Variants in VWA5B2 observed in about 807,000 individuals in gnomAD.
The protein encoded by VWA5B2 is von Willebrand factor A domain-containing protein 5B2.
A neutral mutation model predicts 118.5 loss-of-function variants in VWA5B2; 93 were observed. The ratio of observed to expected loss-of-function variants is 0.79; its 90% CI spans 0.66 to 0.93. The LOEUF (loss-of-function observed/expected upper bound fraction) is 0.93, where lower values mean the gene tolerates loss of function less well. Among genes scored for constraint, VWA5B2 ranks in the 40% least tolerant of loss-of-function variants. VWA5B2 has a pLI of 0.00. For synonymous variants in VWA5B2, 708 were observed against 716.3 expected (o/e 0.99, Z 0.19); for missense variants, 1,546 against 1,672.8 (o/e 0.92, Z 1.32).
At position 184,233,380 on chromosome 3, in the gene VWA5B2, G is replaced by C; in HGVS notation, c.513G>C (p.Pro171=). ...PPGPPGPPRP[P]GLCDDSPTSC... ...GCCCGCCGGGGCCCCCCAGGCCTCC[G>C]GGGCTCTGTGACGACAGGTTGGGCC... is the stretch of plus-strand genomic sequence containing the variant. Residue 171 remains proline (P), a synonymous_variant, in exon 4 of 20, where the codon CCG becomes CCC. Transcript: ENST00000691901. The surrounding 1 kb of genome is among the most constrained non-coding windows in gnomAD (Gnocchi z 5.2). The C allele has an allele frequency of 1.3e-6, 2 of 1,537,836 alleles. No homozygotes were observed. Among genetic ancestry groups the C allele is most frequent in the South Asian group, 2.4e-5 (2 of 82,180 alleles).
At position 184,230,645 on chromosome 3, in the gene VWA5B2, C is replaced by A; in HGVS notation, c.117C>A (p.Asn39Lys). Reference sequence around the variant, plus strand: ...TGCGGGCCCGGCTCACCTACCGCAACCCGCAGCCGCAGCCGGTGGACGGTG... The same window carrying A: ...TGCGGGCCCGGCTCACCTACCGCAAACCGCAGCCGCAGCCGGTGGACGGTG... ...LSVRARLTYR[N>K]PQPQPVDGVF... The change falls in exon 2 of 20, where the codon AAC becomes AAA. Residue 39 changes from asparagine to lysine, a missense_variant. By Grantham distance (94) the Asn-to-Lys change is moderately conservative (BLOSUM62 0). Transcript: ENST00000691901. 1.5e-6 allele frequency: 2 copies of A among 1,340,328 alleles called. No homozygotes were observed. The highest frequency in any genetic ancestry group is 1.9e-6 in the Non-Finnish European group (2 of 1,048,792). The allele number at this position is 1,340,328 out of a possible 1,614,324, so 83.0% of individuals were successfully genotyped here.
rs1402030732 is a variant in VWA5B2 at position 184,237,241 on chromosome 3, C to T, written c.1549C>T (p.Arg517Trp). ...RLQPMLVQAL[R>W]KALEPALSDI... ...CTCCCCACAGCTGGTACAGGCTCTG[C>T]GGAAGGCACTGGAGCCTGCTTTGAG... The change falls in exon 12 of 20, where the codon CGG (arginine) becomes TGG (tryptophan). Residue 517 changes from arginine (R) to tryptophan (W), a missense_variant. Arg to Trp is a moderately radical substitution (Grantham distance 101). Around this residue, in one of 3 missense-constraint regions of VWA5B2, gnomAD observed 775 missense variants for 882.3 expected, o/e 0.88. Coordinates refer to ENST00000691901, the MANE Select transcript of VWA5B2 (RefSeq NM_001390846.1). This position sits in a 1 kb window ranked among gnomAD's most constrained non-coding sequence, Gnocchi z 5.6. The T allele has an allele frequency of 9.7e-6, 15 of 1,551,352 alleles. No homozygotes were observed. The highest frequency in any genetic ancestry group is 2.4e-5 in the East Asian group (1 of 40,906).
At position 184,231,283 on chromosome 3, in the gene VWA5B2, C is replaced by T. The variant is rs567200950; in HGVS notation, c.310+366C>T. On this transcript the variant is annotated intron_variant, in intron 3 of 19. Transcript: ENST00000691901. ...GGCTGCACACCTCAATCCGGCCCCG[C>T]GTGGGCCAGTGAATCAAGTGTAGAC... Among the ~76,000 whole-genome samples the T allele has an allele frequency of 1.1e-3, 170 of 152,312 alleles. 1 individual carries two copies. Among genetic ancestry groups the T allele is most frequent in the African/African-American group, 3.9e-3 (164 of 41,570 alleles).
chr3:184,231,059 C>A (rs1020154523), intron 3 of VWA5B2, 142 bp downstream of exon 3: 4 of 1,183,684 alleles, frequency 3.4e-6, no homozygotes, highest in Non-Finnish European at 4.2e-6. Flanking sequence ...ATTTAGCAGT[C>A]GTGGGCTGGG....
At position 184,241,851 on chromosome 3, in the gene VWA5B2, C is replaced by G. The variant is rs147409144; in HGVS notation, c.3542C>G (p.Ala1181Gly). ...CTCGCCTGGCTGGAGCACCGATGCG[C>G]CGCTGCCTTCGACGAGTGGGAACTG... is the stretch of plus-strand genomic sequence containing the variant. ...VALAWLEHRC[A>G]AAFDEWELTA... is the part of the protein sequence containing the mutation. The change falls in exon 20 of 20, where the codon GCC becomes GGC. Residue 1181 changes from alanine to glycine, a missense_variant. Physicochemically the swap from Ala to Gly is moderately conservative, Grantham distance 60. Coordinates refer to ENST00000691901, the MANE Select transcript of VWA5B2 (RefSeq NM_001390846.1). The surrounding 1 kb of genome is among the most constrained non-coding windows in gnomAD (Gnocchi z 5.1). 836 of 1,540,578 alleles carry G rather than the reference C, an allele frequency of 5.4e-4. 4 individuals carry two copies. In the African/African-American group the frequency reaches 8.4e-3, roughly 15 times the overall value.
chr3:184,233,772 C>A lies in VWA5B2; in HGVS notation c.688+39C>A. Reference sequence around the variant, plus strand: ...GCTGGCCTGCCCTCTTTTCAGATGCCCACTCCACCCAGTGTAGTGACTGGA... The same window carrying A: ...GCTGGCCTGCCCTCTTTTCAGATGCACACTCCACCCAGTGTAGTGACTGGA... On this transcript the variant is annotated intron_variant, in intron 5 of 19. Coordinates refer to ENST00000691901, the MANE Select transcript of VWA5B2 (RefSeq NM_001390846.1). This position sits in a 1 kb window ranked among gnomAD's most constrained non-coding sequence, Gnocchi z 5.2. 6.5e-7 allele frequency: 1 copy of A among 1,544,744 alleles called. No individual in the cohort carries two copies. Among genetic ancestry groups the A allele is most frequent in the Non-Finnish European group, 8.7e-7 (1 of 1,144,568 alleles).
At chr3:184,234,031 G>T (rs751987813) in intron 5 of VWA5B2, among the ~76,000 whole-genome samples, 37 of 152,154 alleles carry the variant, frequency 2.4e-4, no homozygotes, top group Non-Finnish European at 3.8e-4. Context: ...CACAGAAGGT[G>T]GGGGGTGAAT....
chr3:184,238,302 G>T lies in VWA5B2; in HGVS notation c.1720-1G>T. 6.6e-7 allele frequency: 1 copy of T among 1,505,560 alleles called. No individual in the cohort carries two copies. Among genetic ancestry groups the T allele is most frequent in the Non-Finnish European group, 8.9e-7 (1 of 1,123,242 alleles). The allele number at this position is 1,505,560 out of a possible 1,614,324, so 93.3% of individuals were successfully genotyped here. On this transcript the variant is annotated splice_acceptor_variant, in intron 12 of 19. Transcript: ENST00000691901. LOFTEE classifies it high-confidence loss of function. The surrounding 1 kb of genome is among the most constrained non-coding windows in gnomAD (Gnocchi z 5.0). ...TTTTTTCCCAATAATATTCTCTCTA[G>T]GGCCAAGAGCCTGGCTGGCAGAGCT...
chr3:184,235,040 T>A, intron 7 of VWA5B2, 113 bp from the exon 8 acceptor site: 2 of 1,306,036 alleles, frequency 1.5e-6, no homozygotes, highest in Non-Finnish European at 2.1e-6. Context: ...TACAAAAAGA[T>A]GTCCCCTCTG....
chr3:184,233,768 A>G lies in VWA5B2; in HGVS notation c.688+35A>G. ...TCTGGCTGGCCTGCCCTCTTTTCAGATGCCCACTCCACCCAGTGTAGTGAC... is the reference window on the plus strand; with the variant it reads ...TCTGGCTGGCCTGCCCTCTTTTCAGGTGCCCACTCCACCCAGTGTAGTGAC... On this transcript the variant is annotated intron_variant, in intron 5 of 19. Coordinates refer to ENST00000691901, the MANE Select transcript of VWA5B2 (RefSeq NM_001390846.1). The surrounding 1 kb of genome is among the most constrained non-coding windows in gnomAD (Gnocchi z 5.2). 2 of 1,546,544 alleles carry G rather than the reference A, an allele frequency of 1.3e-6. No individual in the cohort carries two copies. Among genetic ancestry groups the G allele is most frequent in the Non-Finnish European group, 1.7e-6 (2 of 1,145,502 alleles).
Position 184,241,300 on chromosome 3 carries a change from C to T in VWA5B2, c.3076C>T (p.Arg1026Cys), listed in dbSNP as rs1484160139. 1 of 1,551,322 alleles carries T rather than the reference C, an allele frequency of 6.4e-7. No individual in the cohort carries two copies. The highest frequency in any genetic ancestry group is 2.4e-5 in the East Asian group (1 of 40,914). The change falls in exon 19 of 20, where the codon CGT (arginine) becomes TGT (cysteine). Residue 1026 changes from arginine to cysteine, a missense_variant. Coordinates refer to ENST00000691901, the MANE Select transcript of VWA5B2 (RefSeq NM_001390846.1). The surrounding 1 kb of genome is among the most constrained non-coding windows in gnomAD (Gnocchi z 5.1). ...PTEGPRRPPPRPPCRLSMGRR... is the reference protein window; with the variant it reads ...PTEGPRRPPPCPPCRLSMGRR... The stretch of plus-strand genomic sequence containing the variant: ...GGAAGGTCCTCGCCGCCCACCTCCC[C>T]GTCCTCCCTGTCGGCTCAGCATGGG...
intron 7 of VWA5B2, 74 bp downstream of exon 7, chr3:184,234,829 A>T (rs889640927): frequency 8.0e-5 from 123 of 1,542,226 alleles, no homozygotes; most frequent in Middle Eastern, 5.0e-4. Context: ...AAGCAGGCTT[A>T]CATTGGAATG....
Position 184,238,525 on chromosome 3 carries a change from G to A in VWA5B2, c.1892-38G>A. On this transcript the variant is annotated intron_variant, in intron 13 of 19. Coordinates refer to ENST00000691901, the MANE Select transcript of VWA5B2 (RefSeq NM_001390846.1). This position sits in a 1 kb window ranked among gnomAD's most constrained non-coding sequence, Gnocchi z 5.0. ...GCTGTATTGGAGTGGGCGCTGGGAGGGGTCAGGGCTAGGGCCCATTCTACT... is the reference window on the plus strand; with the variant it reads ...GCTGTATTGGAGTGGGCGCTGGGAGAGGTCAGGGCTAGGGCCCATTCTACT... The A allele has an allele frequency of 6.5e-7, 1 of 1,535,060 alleles. No individual in the cohort carries two copies. Among genetic ancestry groups the A allele is most frequent in the Non-Finnish European group, 8.8e-7 (1 of 1,134,450 alleles).
Position 184,242,028 on chromosome 3 carries a change from CGA to C in VWA5B2, c.3720_3721del (p.Asn1241ArgfsTer33). ...CTACACCTGCTGTGCTACAGCCCAG[CGA>C]ACGTGTGAAGGCTGCCCCCTGCTGC... On this transcript the variant is annotated frameshift_variant, in exon 20 of 20. Coordinates refer to ENST00000691901, the MANE Select transcript of VWA5B2 (RefSeq NM_001390846.1). LOFTEE classifies it high-confidence loss of function. 6.5e-7 allele frequency: 1 copy of C among 1,549,578 alleles called. No individual in the cohort carries two copies. The highest frequency in any genetic ancestry group is 1.2e-5 in the South Asian group (1 of 84,038).
Position 184,233,711 on chromosome 3 carries a change from G to A in VWA5B2, c.666G>A (p.Val222=). 6.4e-7 allele frequency: 1 copy of A among 1,550,786 alleles called. No individual in the cohort carries two copies. Among genetic ancestry groups the A allele is most frequent in the Non-Finnish European group, 8.7e-7 (1 of 1,146,998 alleles). ...ATACCTTCTCCTTCGAGATGCTGGT[G>A]ACTGGGCCATGCCTGCTTGCAGGTG... ...APYTFSFEML[V]TGPCLLAGLE... Residue 222 remains valine, a synonymous_variant, in exon 5 of 20, where the codon GTG becomes GTA. Coordinates refer to ENST00000691901, the MANE Select transcript of VWA5B2 (RefSeq NM_001390846.1). The surrounding 1 kb of genome is among the most constrained non-coding windows in gnomAD (Gnocchi z 5.2).
In VWA5B2 at chr3:184,237,151, G is replaced by T; in HGVS notation, c.1534-75G>T. On this transcript the variant is annotated intron_variant, in intron 11 of 19. Transcript: ENST00000691901. This position sits in a 1 kb window ranked among gnomAD's most constrained non-coding sequence, Gnocchi z 5.6. ...GCTGGGCAGATGGCATCAGGGGAAG[G>T]GCAGCCTTCCTGCTCTGTCTGGCCG... is the stretch of plus-strand genomic sequence containing the variant. The T allele has an allele frequency of 6.8e-7, 1 of 1,481,352 alleles. No individual in the cohort carries two copies. Among genetic ancestry groups the T allele is most frequent in the Non-Finnish European group, 9.1e-7 (1 of 1,100,896 alleles). The allele number at this position is 1,481,352 out of a possible 1,614,324, so 91.8% of individuals were successfully genotyped here. A position where few individuals can be genotyped will look rare whatever the true frequency, so the allele number is the denominator to read the frequency against.
rs771177463 is a variant in VWA5B2 at position 184,241,730 on chromosome 3, G to A, written c.3421G>A (p.Asp1141Asn). The A allele has an allele frequency of 6.0e-6, 9 of 1,494,208 alleles. No individual in the cohort carries two copies. Among genetic ancestry groups the A allele is most frequent in the Non-Finnish European group, 8.0e-6 (9 of 1,124,496 alleles). 92.6% of individuals were successfully genotyped at this position (1,494,208 alleles called of 1,614,324 possible). A position where few individuals can be genotyped will look rare whatever the true frequency, so the allele number is the denominator to read the frequency against. ...SSGSEGPGQV[D>N]SGRGSDTEAS... ...GGGCTCTGAGGGGCCAGGCCAGGTGGACAGTGGGCGGGGCTCAGACACCGA... is the reference window on the plus strand; with the variant it reads ...GGGCTCTGAGGGGCCAGGCCAGGTGAACAGTGGGCGGGGCTCAGACACCGA... Residue 1141 changes from aspartate (D) to asparagine (N), a missense_variant, in exon 20 of 20, where the codon GAC (aspartate) becomes AAC (asparagine). By Grantham distance (23) the Asp-to-Asn change is conservative. This residue lies in a region of VWA5B2 where 763 missense variants were observed against 766.6 expected (regional missense o/e 1.00). Transcript: ENST00000691901. The surrounding 1 kb of genome is among the most constrained non-coding windows in gnomAD (Gnocchi z 5.1).
At chr3:184,230,005 C>T (rs1331813979) in intron 1 of VWA5B2, among the ~76,000 whole-genome samples, 5 of 152,208 alleles carry the variant, frequency 3.3e-5, no homozygotes, top group African/African-American at 1.2e-4. Context: ...AAGACCAAGG[C>T]CCTTTCGGCG....
Position 184,237,397 on chromosome 3 carries a change from T to C in VWA5B2, c.1705T>C (p.Ser569Pro). ...ACTCTTCAGGGTGGATGGCTTCCGG[T>C]CCCGCCCACCAGGGGTAAGCTTGGG... ...CSLFRVDGFR[S>P]RPPGGQEPGW... The change falls in exon 12 of 20, where the codon TCC (serine) becomes CCC (proline). Residue 569 changes from serine to proline, a missense_variant. By Grantham distance (74) the Ser-to-Pro change is moderately conservative. Around this residue, in one of 3 missense-constraint regions of VWA5B2, gnomAD observed 775 missense variants for 882.3 expected, o/e 0.88. Transcript: ENST00000691901. This position sits in a 1 kb window ranked among gnomAD's most constrained non-coding sequence, Gnocchi z 5.6. 6.5e-7 allele frequency: 1 copy of C among 1,547,052 alleles called. No individual in the cohort carries two copies. Among genetic ancestry groups the C allele is most frequent in the Non-Finnish European group, 8.7e-7 (1 of 1,144,456 alleles).
Sources: gnomAD v4.1 joint callset for allele counts (sites outside exome capture counted in the v4.1 genomes callset) on GRCh38, gnomAD v4.1.1 for gene constraint, gnomAD v4.1.1 regional missense constraint, Gnocchi (gnomAD v3.1) non-coding constraint, MANE v1.5 for transcripts, NCBI Gene and HGNC (gene_info 2026-07-23, HGNC 2026-07-21) for gene names.